The following BFSP2 variants were observed in gnomAD, a reference collection of about 807,000 sequenced individuals.
BFSP2 encodes beaded filament structural protein 2.
A neutral mutation model predicts 44.9 loss-of-function variants in BFSP2; 38 were observed. The observed-to-expected ratio is 0.85, with a 90% CI of 0.65 to 1.11. BFSP2 has a LOEUF of 1.11. BFSP2 is among the 50% of genes least tolerant of loss of function. The probability of loss-of-function intolerance (pLI) is 0.00; values close to 1 mark genes in which losing one functional copy is unlikely to be tolerated. For missense variants in BFSP2, 525 were observed against 533.0 expected, an observed-to-expected ratio of 0.99 and a Z score of 0.15; for synonymous variants, 197 against 209.9, an observed-to-expected ratio of 0.94 and a Z score of 0.53.
In BFSP2 at chr3:133,435,770, C is replaced by T. The variant is rs558165474; in HGVS notation, c.490-11547C>T. Among the ~76,000 whole-genome samples the T allele has an allele frequency of 1.8e-4, 28 of 152,312 alleles. 2 individuals are homozygous for T. Among genetic ancestry groups the T allele is most frequent in the African/African-American group, 6.3e-4 (26 of 41,566 alleles). Reference sequence around the variant, plus strand: ...GCAAATTGTCTGCTGCTATGGCCTTCGTCTTCAACATCATTTTATTCTTTC... The same window carrying T: ...GCAAATTGTCTGCTGCTATGGCCTTTGTCTTCAACATCATTTTATTCTTTC... On this transcript the variant is annotated intron_variant, in intron 1 of 6. Coordinates refer to ENST00000302334, the MANE Select transcript of BFSP2 (RefSeq NM_003571.4).
intron 4 of BFSP2, among the ~76,000 whole-genome samples, chr3:133,456,890 T>C (rs2074017651): frequency 6.6e-6 from 1 of 152,216 alleles, no homozygotes; most frequent in African/African-American, 2.4e-5. Flanking sequence ...AATAGAAACC[T>C]TGAATAGCAT....
intron 1 of BFSP2, among the ~76,000 whole-genome samples, chr3:133,430,020 C>T (rs1308192845): frequency 1.3e-5 from 2 of 150,212 alleles, no homozygotes; most frequent in African/African-American, 2.5e-5. Flanking sequence ...GTTTTTTGTC[C>T]TTGTGATAGT....
At chr3:133,424,756 C>G (rs967178542) in intron 1 of BFSP2, among the ~76,000 whole-genome samples, 19 of 152,204 alleles carry the variant, frequency 1.2e-4, no homozygotes, top group Admixed American at 1.2e-3. Context: ...ATGCCTCAGC[C>G]TCTCAAGTAG....
intron 1 of BFSP2, among the ~76,000 whole-genome samples, chr3:133,409,227 G>GGTGTGGGT (rs2073428333): frequency 6.7e-6 from 1 of 148,498 alleles, no homozygotes; most frequent in East Asian, 2.0e-4. Flanking sequence ...TTCTGACACT[G>GGTGTGGGT]GTGTGTGTGT....
At chr3:133,450,504 A>C (rs763598169) in intron 4 of BFSP2, 40 bp downstream of exon 4, 1 of 1,612,284 alleles carries the variant, frequency 6.2e-7, no homozygotes, top group Admixed American at 1.7e-5. Flanking sequence ...TGCCCTATGC[A>C]GAAGGAGGCC....
intron 1 of BFSP2, among the ~76,000 whole-genome samples, chr3:133,425,469 C>A (rs756164642): frequency 2.6e-5 from 4 of 152,224 alleles, no homozygotes; most frequent in Admixed American, 6.5e-5. Flanking sequence ...GGTAGACATT[C>A]TTCCCAGCCC....
At chr3:133,409,227 G>GGTGTGTGTGTGTGT (rs56156448) in intron 1 of BFSP2, among the ~76,000 whole-genome samples, 2,753 of 148,574 alleles carry the variant, frequency 0.019, 77 homozygotes, top group African/African-American at 0.064. Context: ...TTCTGACACT[G>GGTGTGTGTGTGTGT]GTGTGTGTGT....
At chr3:133,413,140 C>CT (rs1176574695) in intron 1 of BFSP2, among the ~76,000 whole-genome samples, 1 of 152,120 alleles carries the variant, frequency 6.6e-6, no homozygotes, top group Admixed American at 6.5e-5. Context: ...GGTATATACT[C>CT]TTTGACACTG....
At chr3:133,452,564 A>T (rs529846083) in intron 4 of BFSP2, among the ~76,000 whole-genome samples, 1 of 152,360 alleles carries the variant, frequency 6.6e-6, no homozygotes, top group South Asian at 2.1e-4. Context: ...CAGATAACAG[A>T]TAATTAATGG....
At chr3:133,442,023 C>G (rs1051745259) in intron 1 of BFSP2, among the ~76,000 whole-genome samples, 7 of 152,140 alleles carry the variant, frequency 4.6e-5, no homozygotes, top group African/African-American at 1.7e-4. Context: ...ATGGCTGGAG[C>G]CTTTGGAGCA....
chr3:133,455,245 G>A (rs540705357), intron 4 of BFSP2: 2 of 152,360 alleles, frequency 1.3e-5, no homozygotes, highest in South Asian at 4.1e-4. Context: ...GTATGTGCTA[G>A]ACTTTTATAT....
chr3:133,469,788 T>C (rs1171734450), intron 5 of BFSP2, among the ~76,000 whole-genome samples: 1 of 152,232 alleles, frequency 6.6e-6, no homozygotes, highest in Non-Finnish European at 1.5e-5. Context: ...ATTCGGACTT[T>C]AAGGGTGAGA....
intron 1 of BFSP2, 23 bp from the exon 2 acceptor site, chr3:133,447,294 T>G: frequency 1.9e-6 from 3 of 1,613,436 alleles, no homozygotes; most frequent in Non-Finnish European, 2.5e-6. Context: ...CCTTGTCTCC[T>G]TTGGTGTGTG....
At chr3:133,433,734 C>T (rs980473613) in intron 1 of BFSP2, among the ~76,000 whole-genome samples, 1 of 152,156 alleles carries the variant, frequency 6.6e-6, no homozygotes. Flanking sequence ...TTTTCAGGCT[C>T]TTAGTATTCA....
In BFSP2 at chr3:133,400,633, C is replaced by T. The variant is rs547603725; in HGVS notation, c.489+61C>T. ...GGCTGGGAGGGGCTGCTGAAGGCAG[C>T]GGGTAGGGTTGTGAGTAGGCTGAGG... On this transcript the variant is annotated intron_variant, in intron 1 of 6. Coordinates refer to ENST00000302334, the MANE Select transcript of BFSP2 (RefSeq NM_003571.4). This position sits in a 1 kb window ranked among gnomAD's most constrained non-coding sequence, Gnocchi z 4.0. 5.8e-6 allele frequency: 9 copies of T among 1,551,506 alleles called. No individual in the cohort carries two copies. Among genetic ancestry groups the T allele is most frequent in the African/African-American group, 2.7e-5 (2 of 73,228 alleles).
chr3:133,454,466 C>T lies in BFSP2; in HGVS notation c.891+4002C>T, dbSNP rs575228993. ...ATAATTCAATTCAATCCTGACACTACCTGCCTGAAGTAGTATCAGATCCCA... is the reference window on the plus strand; with the variant it reads ...ATAATTCAATTCAATCCTGACACTATCTGCCTGAAGTAGTATCAGATCCCA... On this transcript the variant is annotated intron_variant, in intron 4 of 6. Transcript: ENST00000302334. Among the ~76,000 whole-genome samples the T allele has an allele frequency of 2.2e-4, 33 of 152,292 alleles. No individual in the cohort carries two copies. The South Asian group carries it at 2.5e-3, about 11-fold the overall frequency.
chr3:133,430,694 C>G (rs180890782), intron 1 of BFSP2, among the ~76,000 whole-genome samples: 3 of 152,048 alleles, frequency 2.0e-5, no homozygotes, highest in South Asian at 2.1e-4. Context: ...GTTCCCAATG[C>G]AACTCATCCC....
intron 1 of BFSP2, among the ~76,000 whole-genome samples, chr3:133,425,772 G>A: frequency 2.4e-5 from 1 of 40,936 alleles, no homozygotes; most frequent in Non-Finnish European, 4.5e-5. Context: ...GATGGGAAAG[G>A]GAAAGGGAAA....
chr3:133,429,988 G>C (rs1179564789), intron 1 of BFSP2, among the ~76,000 whole-genome samples: 2 of 150,516 alleles, frequency 1.3e-5, no homozygotes, highest in Non-Finnish European at 2.9e-5. Context: ...TCCCACCTAT[G>C]AGTGAGAACA....
Sources: gnomAD v4.1 joint callset for allele counts (sites outside exome capture counted in the v4.1 genomes callset) on GRCh38, gnomAD v4.1.1 for gene constraint, Gnocchi (gnomAD v3.1) non-coding constraint, MANE v1.5 for transcripts, NCBI Gene and HGNC (gene_info 2026-07-23, HGNC 2026-07-21) for gene names.